KCNH8: variants seen among roughly 807,000 people sequenced by gnomAD.
The protein encoded by KCNH8 is potassium voltage-gated channel subfamily H member 8.
In KCNH8, 70 loss-of-function variants were observed where a neutral mutation model predicts 103.6. The observed-to-expected ratio is 0.68, with a 90% CI of 0.56 to 0.82. KCNH8 has a LOEUF of 0.82. Among genes scored for constraint, KCNH8 ranks in the 40% least tolerant of loss-of-function variants. KCNH8 has a pLI of 0.00. For missense variants in KCNH8, 1,217 were observed against 1,329.9 expected, an observed-to-expected ratio of 0.92 and a Z score of 1.32; for synonymous variants, 498 against 489.4, an observed-to-expected ratio of 1.02 and a Z score of -0.23.
At chr3:19,398,724 T>C (rs1489544846) in intron 7 of KCNH8, among the ~76,000 whole-genome samples, 1 of 151,984 alleles carries the variant, frequency 6.6e-6, no homozygotes. Flanking sequence ...AGTATTAAAT[T>C]AGGCAACATA....
chr3:19,475,773 T>C (rs2067960700), intron 11 of KCNH8, among the ~76,000 whole-genome samples: 1 of 152,218 alleles, frequency 6.6e-6, no homozygotes, highest in African/African-American at 2.4e-5. Context: ...TAATTCTTGT[T>C]CTGGGAAATT....
intron 5 of KCNH8, among the ~76,000 whole-genome samples, chr3:19,365,037 A>C (rs1244965585): frequency 1.3e-5 from 2 of 152,284 alleles, no homozygotes; most frequent in East Asian, 3.9e-4. Flanking sequence ...CTTATGTTTA[A>C]TTATAAGAAT....
chr3:19,418,954 A>C (rs1261631544), intron 7 of KCNH8, among the ~76,000 whole-genome samples: 1 of 152,142 alleles, frequency 6.6e-6, no homozygotes. Flanking sequence ...GGGTTTTGGC[A>C]TTTATAAAGA....
intron 5 of KCNH8, among the ~76,000 whole-genome samples, chr3:19,361,074 T>G (rs1287932303): frequency 1.3e-5 from 2 of 152,094 alleles, no homozygotes; most frequent in African/African-American, 2.4e-5. Context: ...CTGGCAAATT[T>G]GTTGGCCCTT....
intron 4 of KCNH8, among the ~76,000 whole-genome samples, chr3:19,344,864 T>C (rs1575543129): frequency 6.6e-6 from 1 of 152,220 alleles, no homozygotes; most frequent in Non-Finnish European, 1.5e-5. Flanking sequence ...GTCTGATTTT[T>C]ATTAGTCCCA....
intron 1 of KCNH8, among the ~76,000 whole-genome samples, chr3:19,154,560 A>G (rs1261110167): frequency 2.0e-5 from 3 of 152,208 alleles, no homozygotes; most frequent in Non-Finnish European, 4.4e-5. Context: ...GTTTCTTTTT[A>G]CTATCTCTTC....
chr3:19,370,429 C>T (rs981905380), intron 5 of KCNH8, among the ~76,000 whole-genome samples: 4 of 152,020 alleles, frequency 2.6e-5, no homozygotes, highest in African/African-American at 9.7e-5. Flanking sequence ...AGGTAATTAA[C>T]TTTCCATAGG....
intron 2 of KCNH8, among the ~76,000 whole-genome samples, chr3:19,259,184 TG>T (rs2064394981): frequency 1.3e-5 from 2 of 151,284 alleles, no homozygotes; most frequent in South Asian, 4.2e-4. Context: ...CCTGAGCTAT[TG>T]CTTACTTGAT....
intron 1 of KCNH8, among the ~76,000 whole-genome samples, chr3:19,217,115 C>T (rs2063825765): frequency 6.6e-6 from 1 of 152,186 alleles, no homozygotes; most frequent in Non-Finnish European, 1.5e-5. Context: ...AGCGCAGTCC[C>T]TTGCGCAAGG....
intron 1 of KCNH8, among the ~76,000 whole-genome samples, chr3:19,202,825 A>G (rs1337003937): frequency 6.6e-6 from 1 of 152,176 alleles, no homozygotes; most frequent in South Asian, 2.1e-4. Context: ...TACTAAATTT[A>G]TAGTTATTAA....
chr3:19,255,004 G>C (rs2064328783), intron 2 of KCNH8, among the ~76,000 whole-genome samples: 1 of 152,118 alleles, frequency 6.6e-6, no homozygotes, highest in Non-Finnish European at 1.5e-5. Flanking sequence ...CAATATGATT[G>C]TATTTGGAGA....
At chr3:19,153,641 T>C (rs540843193) in intron 1 of KCNH8, among the ~76,000 whole-genome samples, 7 of 149,078 alleles carry the variant, frequency 4.7e-5, no homozygotes, top group East Asian at 1.9e-4. Flanking sequence ...TTTTCTTTTT[T>C]TTTTTTTTTT....
In KCNH8 at chr3:19,373,465, T is replaced by C. The variant is rs375151605; in HGVS notation, c.812-17016T>C. Among the ~76,000 whole-genome samples, 3 of 152,234 alleles carry C rather than the reference T, an allele frequency of 2.0e-5. No homozygotes were observed. In the South Asian group the frequency reaches 6.2e-4, roughly 31 times the overall value. Reference sequence around the variant, plus strand: ...GTGGGATCGGTGGTTATGTCCCGTTTATCATTTTTTATTGCGTCTATTTGA... The same window carrying C: ...GTGGGATCGGTGGTTATGTCCCGTTCATCATTTTTTATTGCGTCTATTTGA... On this transcript the variant is annotated intron_variant, in intron 5 of 15. Transcript: ENST00000328405.
At position 19,148,677 on chromosome 3, in the gene KCNH8, T is replaced by C. The variant is rs374755693; in HGVS notation, c.-43T>C. Reference sequence around the variant, plus strand: ...TGGCACTTTCCTTTCGAACCATCCTTCTGGACAAACTTTGATGGAGAATTT... The same window carrying C: ...TGGCACTTTCCTTTCGAACCATCCTCCTGGACAAACTTTGATGGAGAATTT... On this transcript the variant is annotated 5_prime_UTR_variant, in exon 1 of 16. Transcript: ENST00000328405. 33 of 1,592,140 alleles carry C rather than the reference T, an allele frequency of 2.1e-5. No individual in the cohort carries two copies. The African/African-American group carries it at 3.9e-4, about 19-fold the overall frequency.
chr3:19,300,758 T>A (rs939707211), intron 3 of KCNH8, among the ~76,000 whole-genome samples: 1 of 151,980 alleles, frequency 6.6e-6, no homozygotes, highest in Admixed American at 6.6e-5. Flanking sequence ...TATAGGCATT[T>A]AGATGTTATA....
At chr3:19,185,592 T>G (rs2063494035) in intron 1 of KCNH8, among the ~76,000 whole-genome samples, 2 of 151,962 alleles carry the variant, frequency 1.3e-5, no homozygotes, top group South Asian at 4.1e-4. Flanking sequence ...GATTTTCATG[T>G]GTTTCATATC....
intron 15 of KCNH8, among the ~76,000 whole-genome samples, chr3:19,528,473 A>G (rs1214910160): frequency 2.0e-5 from 3 of 152,126 alleles, no homozygotes; most frequent in Non-Finnish European, 4.4e-5. Context: ...ATATTTCTAC[A>G]ATTATGAAGG....
intron 15 of KCNH8, among the ~76,000 whole-genome samples, chr3:19,526,107 T>A (rs1333184496): frequency 6.6e-6 from 1 of 151,968 alleles, no homozygotes; most frequent in Non-Finnish European, 1.5e-5. Flanking sequence ...TCATAGCTTG[T>A]AAAAATGTAT....
chr3:19,219,938 C>G (rs1252061818), intron 1 of KCNH8, among the ~76,000 whole-genome samples: 6 of 152,162 alleles, frequency 3.9e-5, no homozygotes, highest in Non-Finnish European at 8.8e-5. Context: ...ACAAAGTACT[C>G]TGAGAGACAT....
Sources: gnomAD v4.1 joint callset for allele counts (sites outside exome capture counted in the v4.1 genomes callset) on GRCh38, gnomAD v4.1.1 for gene constraint, MANE v1.5 for transcripts, NCBI Gene and HGNC (gene_info 2026-07-23, HGNC 2026-07-21) for gene names.